STARD4: variants seen among roughly 807,000 people sequenced by gnomAD.
STARD4 encodes stAR-related lipid transfer protein 4.
A neutral mutation model predicts 24.9 loss-of-function variants in STARD4; 33 were observed. The ratio of observed to expected loss-of-function variants is 1.32; its 90% CI spans 1.00 to 1.77. The LOEUF is 1.77. Ranked by LOEUF, STARD4 falls within the 40% of genes most tolerant of loss-of-function variation. STARD4 has a pLI of 0.00. For synonymous variants in STARD4, 88 were observed against 77.4 expected, an observed-to-expected ratio of 1.14 and a Z score of -0.72; for missense variants, 238 against 249.3, an observed-to-expected ratio of 0.95 and a Z score of 0.31.
rs534109118 is a variant in STARD4 at position 111,502,144 on chromosome 5, C to A, written c.156-56G>T. ...TTACAATAAAAAAATTTCAGCATAC[C>A]CTTATAGTGCATAGCTAACTTTGAA... On this transcript the variant is annotated intron_variant, in intron 3 of 5. Transcript: ENST00000296632. 43 of 1,568,456 alleles carry A rather than the reference C, an allele frequency of 2.7e-5. No homozygotes were observed. The Middle Eastern group carries it at 8.7e-4, about 32-fold the overall frequency.
At chr5:111,510,007 TA>T (rs1222973099) in intron 1 of STARD4, among the ~76,000 whole-genome samples, 2 of 152,062 alleles carry the variant, frequency 1.3e-5, no homozygotes, top group Admixed American at 1.3e-4. Context: ...CAACAAAAAC[TA>T]AAACATTAAA....
chr5:111,503,815 C>A (rs993653096), intron 3 of STARD4, among the ~76,000 whole-genome samples: 2 of 151,944 alleles, frequency 1.3e-5, no homozygotes, highest in African/African-American at 2.4e-5. Flanking sequence ...AAAAATAAGT[C>A]ATTTTTTAAA....
chr5:111,501,749 G>C (rs17597395), intron 4 of STARD4, among the ~76,000 whole-genome samples: 58,115 of 151,980 alleles, frequency 0.38, 14,050 homozygotes, highest in African/African-American at 0.69. Context: ...CTGTGGAAAA[G>C]AAACTCAGTC....
In STARD4 at chr5:111,507,367, T is replaced by G; in HGVS notation, c.67A>C (p.Ser23Arg). ...ACTCGCCACTTATCTTCTTCAATGCTATGGTACTGGATGAGAGTGTTTTTA... is the reference window on the plus strand; with the variant it reads ...ACTCGCCACTTATCTTCTTCAATGCGATGGTACTGGATGAGAGTGTTTTTA... ...KLKNTLIQYH[S>R]IEEDKWRVAK... The change falls in exon 2 of 6, where the codon AGC (serine) becomes CGC (arginine). Residue 23 changes from serine to arginine, a missense_variant. Physicochemically the swap from Ser to Arg is moderately radical, Grantham distance 110. Coordinates refer to ENST00000296632, the MANE Select transcript of STARD4 (RefSeq NM_139164.3). The surrounding 1 kb of genome is among the most constrained non-coding windows in gnomAD (Gnocchi z 4.4). The G allele has an allele frequency of 6.2e-7, 1 of 1,613,672 alleles. No homozygotes were observed. Among genetic ancestry groups the G allele is most frequent in the Non-Finnish European group, 8.5e-7 (1 of 1,179,802 alleles).
chr5:111,501,868 T>G (rs1393844175), intron 4 of STARD4, 94 bp downstream of exon 4: 1 of 1,500,528 alleles, frequency 6.7e-7, no homozygotes, highest in African/African-American at 1.4e-5. Flanking sequence ...TGAATATAAG[T>G]GTGTACAAAT....
In STARD4 at chr5:111,498,386, A is replaced by G. The variant is rs947477972; in HGVS notation, c.*1500T>C. ...CAGTTCAGGAAATAATAGCCCTTAT[A>G]GTAATGTGTACTATCTTGTCACAAA... is the stretch of plus-strand genomic sequence containing the variant. On this transcript the variant is annotated 3_prime_UTR_variant, in exon 6 of 6. Transcript: ENST00000296632. 6.6e-6 allele frequency: 1 copy of G among 151,940 alleles called. No homozygotes were observed. Among genetic ancestry groups the G allele is most frequent in the African/African-American group, 2.4e-5 (1 of 41,372 alleles). The allele number at this position is 151,940 out of a possible 1,614,324, so 9.4% of individuals were successfully genotyped here.
Position 111,507,497 on chromosome 5 carries a change from C to T in STARD4, c.-9-55G>A. The T allele has an allele frequency of 7.4e-7, 1 of 1,357,212 alleles. No individual in the cohort carries two copies. The highest frequency in any genetic ancestry group is 1.3e-5 in the South Asian group (1 of 79,584). 84.1% of individuals were successfully genotyped at this position (1,357,212 alleles called of 1,614,324 possible). Reference sequence around the variant, plus strand: ...AAATACCACAGTTTGAGGCAATAGGCCAGTGGGTCTCGAATCTGGTTTCAC... The same window carrying T: ...AAATACCACAGTTTGAGGCAATAGGTCAGTGGGTCTCGAATCTGGTTTCAC... On this transcript the variant is annotated intron_variant, in intron 1 of 5. Transcript: ENST00000296632. The surrounding 1 kb of genome is among the most constrained non-coding windows in gnomAD (Gnocchi z 4.4).
chr5:111,507,295 T>C lies in STARD4; in HGVS notation c.105+34A>G, dbSNP rs776777178. On this transcript the variant is annotated intron_variant, in intron 2 of 5. Coordinates refer to ENST00000296632, the MANE Select transcript of STARD4 (RefSeq NM_139164.3). This position sits in a 1 kb window ranked among gnomAD's most constrained non-coding sequence, Gnocchi z 4.4. Reference sequence around the variant, plus strand: ...ATCAACCAATTCATTAGATAGAAGATATACCCCAAATATAAGTAATTGAAC... The same window carrying C: ...ATCAACCAATTCATTAGATAGAAGACATACCCCAAATATAAGTAATTGAAC... 2 of 1,554,766 alleles carry C rather than the reference T, an allele frequency of 1.3e-6. No individual in the cohort carries two copies. Among genetic ancestry groups the C allele is most frequent in the Non-Finnish European group, 1.8e-6 (2 of 1,131,852 alleles).
Position 111,511,338 on chromosome 5 carries a change from C to T in STARD4, c.-10+1047G>A, listed in dbSNP as rs138664285. Among the ~76,000 whole-genome samples, 830 of 152,138 alleles carry T rather than the reference C, an allele frequency of 5.5e-3. 42 individuals are homozygous for T. The highest frequency in any genetic ancestry group is 0.047 in the Admixed American group (718 of 15,302). ...ACTTGATTTTAAAAAATAACAATAA[C>T]ATTTATTGATCACTTACTACATGGT... On this transcript the variant is annotated intron_variant, in intron 1 of 5. Coordinates refer to ENST00000296632, the MANE Select transcript of STARD4 (RefSeq NM_139164.3).
At chr5:111,502,230 AGGC>A in intron 3 of STARD4, 142 bp from the exon 4 acceptor site, 2 of 969,330 alleles carry the variant, frequency 2.1e-6, no homozygotes, top group Non-Finnish European at 2.9e-6. Context: ...GCATTCTGGG[AGGC>A]TGAGGTGAGT....
intron 3 of STARD4, chr5:111,505,002 C>CAT (rs1756744237): frequency 2.2e-6 from 1 of 455,042 alleles, no homozygotes; most frequent in East Asian, 7.0e-5. Context: ...CAACTCAACA[C>CAT]ATCAGGTCCT....
chr5:111,507,576 C>A lies in STARD4; in HGVS notation c.-9-134G>T. The A allele has an allele frequency of 1.8e-6, 1 of 570,218 alleles. No individual in the cohort carries two copies. Among genetic ancestry groups the A allele is most frequent in the South Asian group, 2.9e-5 (1 of 34,910 alleles). The allele number at this position is 570,218 out of a possible 1,614,324, so 35.3% of individuals were successfully genotyped here. On this transcript the variant is annotated intron_variant, in intron 1 of 5. Coordinates refer to ENST00000296632, the MANE Select transcript of STARD4 (RefSeq NM_139164.3). This position sits in a 1 kb window ranked among gnomAD's most constrained non-coding sequence, Gnocchi z 4.4. ...GATAGCTACCCTCACCCCAAATCAA[C>A]TAATCATAATCTCTGAGAGTAGGAC...
rs183746102 is a variant in STARD4 at position 111,503,649 on chromosome 5, C to T, written c.156-1561G>A. Among the ~76,000 whole-genome samples the T allele has an allele frequency of 6.1e-3, 924 of 151,972 alleles. 11 individuals are homozygous for T. The highest frequency in any genetic ancestry group is 0.021 in the African/African-American group (877 of 41,452). On this transcript the variant is annotated intron_variant, in intron 3 of 5. Coordinates refer to ENST00000296632, the MANE Select transcript of STARD4 (RefSeq NM_139164.3). ...TCTCAAACAAACAAACAAAAAAACA[C>T]ATAAAAGGAAAAACTTTAAAATTTT... is the stretch of plus-strand genomic sequence containing the variant.
Position 111,501,081 on chromosome 5 carries a change from C to G in STARD4, c.318G>C (p.Gln106His). Reference protein sequence around the residue: ...CCVMRYTTAGQLWNIISPREF... With the variant: ...CCVMRYTTAGHLWNIISPREF... ...CTCTTGGGGAAATTATATTCCAAAG[C>G]TGACCAGCAGTAGTGTAACGCATCA... is the stretch of plus-strand genomic sequence containing the variant. The change falls in exon 5 of 6, where the codon CAG (glutamine) becomes CAC (histidine). Residue 106 changes from glutamine to histidine, a missense_variant. Physicochemically the swap from Gln to His is conservative, Grantham distance 24. Transcript: ENST00000296632. 1 of 1,611,372 alleles carries G rather than the reference C, an allele frequency of 6.2e-7. No individual in the cohort carries two copies. Among genetic ancestry groups the G allele is most frequent in the African/African-American group, 1.3e-5 (1 of 74,748 alleles).
In STARD4 at chr5:111,501,006, A is replaced by G. The variant is rs1409894185; in HGVS notation, c.393T>C (p.Ser131=). Residue 131 remains serine, a synonymous_variant, in exon 5 of 6, where the codon TCT becomes TCC. Transcript: ENST00000296632. ...YTVGYKEGLL[S]CGISLDWDEK... ...ATAACATGTTGAGATTATTACCACA[A>G]GATAAAAGCCCTTCTTTATAGCCCA... The G allele has an allele frequency of 1.2e-6, 2 of 1,613,772 alleles. No homozygotes were observed. The highest frequency in any genetic ancestry group is 1.3e-5 in the African/African-American group (1 of 74,916).
rs924952310 is a variant in STARD4 at position 111,497,342 on chromosome 5, A to G, written c.*2544T>C. On this transcript the variant is annotated 3_prime_UTR_variant, in exon 6 of 6. Transcript: ENST00000296632. ...GCTCTAGAGACTAACAAAGATTTCC[A>G]TTTAAGATATTATTCCGTATTATTG... The G allele has an allele frequency of 2.6e-5, 4 of 152,046 alleles. No homozygotes were observed. The highest frequency in any genetic ancestry group is 9.6e-5 in the African/African-American group (4 of 41,456). The allele number at this position is 152,046 out of a possible 1,614,324, so 9.4% of individuals were successfully genotyped here. A position where few individuals can be genotyped will look rare whatever the true frequency, so the allele number is the denominator to read the frequency against.
chr5:111,502,818 G>C (rs77859156), intron 3 of STARD4, among the ~76,000 whole-genome samples: 3 of 136,928 alleles, frequency 2.2e-5, no homozygotes, highest in Non-Finnish European at 4.7e-5. Context: ...AATAATGAAG[G>C]GTTTTTTTTT....
chr5:111,511,485 A>T (rs1024833989), intron 1 of STARD4, among the ~76,000 whole-genome samples: 2 of 152,224 alleles, frequency 1.3e-5, no homozygotes, highest in Admixed American at 6.5e-5. Context: ...AAGCTCTAGG[A>T]TTGGTGTAAA....
intron 3 of STARD4, among the ~76,000 whole-genome samples, chr5:111,505,716 A>G (rs1397904957): frequency 6.6e-6 from 1 of 152,154 alleles, no homozygotes; most frequent in African/African-American, 2.4e-5. Flanking sequence ...TAAGTTCCTA[A>G]GATAAAATGT....
Sources: allele counts gnomAD v4.1 joint callset (sites outside exome capture counted in the v4.1 genomes callset), GRCh38; gene constraint gnomAD v4.1.1; non-coding constraint Gnocchi (gnomAD v3.1); transcripts MANE v1.5; gene names NCBI Gene and HGNC (gene_info 2026-07-23, HGNC 2026-07-21).